The following LRRC7 variants were observed in gnomAD, a reference collection of about 807,000 sequenced individuals.
The protein encoded by LRRC7 is leucine rich repeat containing 7, also known as leucine-rich repeat-containing protein 7.
LRRC7 carries 23 observed loss-of-function variants against 175.7 expected under a neutral mutation model. That is an observed-to-expected ratio of 0.13 (90% CI 0.09 to 0.19). The LOEUF is 0.19. Ranked by LOEUF, LRRC7 falls within the 10% of genes least tolerant of loss-of-function variation. The pLI is 1.00. For missense variants in LRRC7, 1,354 were observed against 1,904.7 expected (o/e 0.71, Z 5.38); for synonymous variants, 685 against 680.9 (o/e 1.01, Z -0.09).
intron 8 of LRRC7, among the ~76,000 whole-genome samples, chr1:69,934,585 A>C (rs1043848153): frequency 3.3e-4 from 50 of 151,964 alleles, no homozygotes; most frequent in Non-Finnish European, 1.5e-4. Context: ...TTTTAAAAAA[A>C]TAGAAAGTTA....
At chr1:70,119,364 C>T (rs1035362489) in intron 26 of LRRC7, among the ~76,000 whole-genome samples, 1 of 151,966 alleles carries the variant, frequency 6.6e-6, no homozygotes, top group Non-Finnish European at 1.5e-5. Flanking sequence ...ATTCTACATG[C>T]GGCATTTTAT....
intron 7 of LRRC7, chr1:69,919,768 G>A (rs1646827238): frequency 2.1e-6 from 2 of 939,072 alleles, no homozygotes; most frequent in Non-Finnish European, 3.4e-6. Flanking sequence ...CCTGGTTTGC[G>A]CGGCGGACGG....
At chr1:70,098,482 A>G (rs369678834) in intron 25 of LRRC7, among the ~76,000 whole-genome samples, 11,321 of 134,316 alleles carry the variant, frequency 0.084, 1,030 homozygotes, top group African/African-American at 0.22. Flanking sequence ...GAGCAGAACT[A>G]AAGGAAATAG....
chr1:69,972,681 C>T (rs1557944932), intron 8 of LRRC7, among the ~76,000 whole-genome samples: 1 of 151,828 alleles, frequency 6.6e-6, no homozygotes, highest in African/African-American at 2.4e-5. Context: ...GAATGTAAAC[C>T]AGTACAACCA....
intron 4 of LRRC7, among the ~76,000 whole-genome samples, chr1:69,799,890 G>A (rs1360393669): frequency 6.6e-6 from 1 of 151,986 alleles, no homozygotes; most frequent in Non-Finnish European, 1.5e-5. Context: ...TTACATTTAA[G>A]TCTTTAATAC....
At chr1:69,919,001 G>C (rs1193694501) in intron 7 of LRRC7, among the ~76,000 whole-genome samples, 1 of 152,064 alleles carries the variant, frequency 6.6e-6, no homozygotes, top group African/African-American at 2.4e-5. Flanking sequence ...ATGAACCAAA[G>C]GTTTCAAAAG....
chr1:69,604,519 T>C (rs556879382), intron 1 of LRRC7, among the ~76,000 whole-genome samples: 1 of 152,196 alleles, frequency 6.6e-6, no homozygotes, highest in Admixed American at 6.5e-5. Context: ...AATTCACTAA[T>C]ACCTTAACTT....
At chr1:70,119,558 G>T (rs777394336) in intron 26 of LRRC7, among the ~76,000 whole-genome samples, 1 of 149,960 alleles carries the variant, frequency 6.7e-6, no homozygotes, top group African/African-American at 2.5e-5. Flanking sequence ...ATTGAGAGCC[G>T]ACTAACCTTC....
intron 1 of LRRC7, among the ~76,000 whole-genome samples, chr1:69,595,730 C>T (rs1038001568): frequency 2.6e-5 from 4 of 152,042 alleles, no homozygotes; most frequent in African/African-American, 7.2e-5. Flanking sequence ...TTCCTCATTT[C>T]GACAACATTT....
At chr1:69,922,520 A>C (rs41440946) in intron 7 of LRRC7, among the ~76,000 whole-genome samples, 6 of 152,178 alleles carry the variant, frequency 3.9e-5, no homozygotes, top group Non-Finnish European at 8.8e-5. Flanking sequence ...AATACTGGGG[A>C]CAACACCTTT....
chr1:70,036,473 A>T lies in LRRC7; in HGVS notation c.2137A>T (p.Thr713Ser). 1 of 1,613,104 alleles carries T rather than the reference A, an allele frequency of 6.2e-7. No homozygotes were observed. The highest frequency in any genetic ancestry group is 8.5e-7 in the Non-Finnish European group (1 of 1,179,684). ...ESTDESEVDK[T>S]HCLNNSVSSG... is the part of the protein sequence containing the mutation. ...AACTGATGAGTCTGAAGTTGACAAAACTCACTGTCTGAATAACAGTGTTTC... is the reference window on the plus strand; with the variant it reads ...AACTGATGAGTCTGAAGTTGACAAATCTCACTGTCTGAATAACAGTGTTTC... Residue 713 changes from threonine (T) to serine (S), a missense_variant, in exon 20 of 27, where the codon ACT becomes TCT. Thr to Ser is a moderately conservative substitution (Grantham distance 58). Transcript: ENST00000651989.
At chr1:69,929,678 G>T (rs548020304) in intron 7 of LRRC7, among the ~76,000 whole-genome samples, 1 of 152,196 alleles carries the variant, frequency 6.6e-6, no homozygotes, top group South Asian at 2.1e-4. Context: ...CCTTCTCTTT[G>T]ATCTTCCTTC....
At chr1:69,995,684 C>G (rs969143605) in intron 11 of LRRC7, among the ~76,000 whole-genome samples, 28 of 151,986 alleles carry the variant, frequency 1.8e-4, no homozygotes, top group Non-Finnish European at 2.1e-4. Flanking sequence ...ATAGTTTACT[C>G]AGAATGATGA....
At chr1:69,585,229 A>AAT (rs1197471982) in intron 1 of LRRC7, among the ~76,000 whole-genome samples, 1 of 147,712 alleles carries the variant, frequency 6.8e-6, no homozygotes, top group Non-Finnish European at 1.5e-5. Context: ...ATCTAGGCAT[A>AAT]ATATATATAC....
At chr1:69,863,737 C>A (rs2101544960) in intron 7 of LRRC7, among the ~76,000 whole-genome samples, 1 of 152,262 alleles carries the variant, frequency 6.6e-6, no homozygotes, top group South Asian at 2.1e-4. Flanking sequence ...TTCAGGTTAT[C>A]ATTATCTCAT....
At chr1:70,019,464 C>G (rs552926117) in intron 15 of LRRC7, among the ~76,000 whole-genome samples, 13 of 152,106 alleles carry the variant, frequency 8.5e-5, no homozygotes, top group African/African-American at 2.6e-4. Flanking sequence ...CCCAAGCCAA[C>G]ACAAGCTGAT....
At chr1:70,108,964 T>TTTG (rs1023014115) in intron 26 of LRRC7, among the ~76,000 whole-genome samples, 2 of 152,170 alleles carry the variant, frequency 1.3e-5, no homozygotes, top group African/African-American at 2.4e-5. Context: ...TTTTGGTTTT[T>TTTG]TTGTTGTTGT....
intron 26 of LRRC7, among the ~76,000 whole-genome samples, chr1:70,119,685 A>G (rs1411997587): frequency 6.6e-5 from 10 of 152,174 alleles, no homozygotes; most frequent in South Asian, 2.1e-4. Context: ...TACGATGTCA[A>G]GTATGATGAT....
At chr1:70,063,756 A>C (rs938338013) in intron 23 of LRRC7, among the ~76,000 whole-genome samples, 2 of 152,034 alleles carry the variant, frequency 1.3e-5, no homozygotes, top group Admixed American at 1.3e-4. Context: ...CACAAAACAA[A>C]CCATAGGTTG....
Sources: gnomAD v4.1 joint callset for allele counts (sites outside exome capture counted in the v4.1 genomes callset) on GRCh38, gnomAD v4.1.1 for gene constraint, MANE v1.5 for transcripts, NCBI Gene and HGNC (gene_info 2026-07-23, HGNC 2026-07-21) for gene names.